The following FAM107B variants were observed in gnomAD, a reference collection of about 807,000 sequenced individuals.
The protein encoded by FAM107B is family with sequence similarity 107 member B, also known as protein FAM107B.
In FAM107B, 21 loss-of-function variants were observed where a neutral mutation model predicts 31.5. That is an observed-to-expected ratio of 0.67 (90% CI 0.47 to 0.96). FAM107B has a LOEUF of 0.96. Ranked by LOEUF, FAM107B falls within the 40% of genes least tolerant of loss-of-function variation. FAM107B has a pLI of 0.00. For synonymous variants in FAM107B, 157 were observed against 141.5 expected (o/e 1.11, Z -0.78); for missense variants, 452 against 377.1 (o/e 1.20, Z -1.64).
intron 2 of FAM107B, among the ~76,000 whole-genome samples, chr10:14,659,101 C>G (rs1042124986): frequency 1.3e-5 from 2 of 152,144 alleles, no homozygotes; most frequent in Non-Finnish European, 2.9e-5. Context: ...CCTCTACTAT[C>G]CCCAGTAGCA....
chr10:14,771,764 T>C (rs1338929607), intron 1 of FAM107B, among the ~76,000 whole-genome samples: 1 of 152,230 alleles, frequency 6.6e-6, no homozygotes, highest in Non-Finnish European at 1.5e-5. Context: ...TGATTCTCCC[T>C]CCTTGGCTTT....
At chr10:14,720,953 T>A (rs1034203058) in intron 1 of FAM107B, among the ~76,000 whole-genome samples, 14 of 152,182 alleles carry the variant, frequency 9.2e-5, no homozygotes, top group Admixed American at 7.9e-4. Flanking sequence ...CATTAATTCA[T>A]CATTTACATT....
intron 1 of FAM107B, among the ~76,000 whole-genome samples, 156 bp from the exon 2 acceptor site, chr10:14,667,847 T>A (rs183107684): frequency 4.1e-4 from 62 of 151,670 alleles, no homozygotes; most frequent in Non-Finnish European, 8.3e-4. Flanking sequence ...GACAAGCTAC[T>A]ACAAATCAAC....
intron 2 of FAM107B, among the ~76,000 whole-genome samples, chr10:14,624,581 T>C (rs189804354): frequency 3.0e-4 from 46 of 151,776 alleles, no homozygotes; most frequent in Non-Finnish European, 2.6e-4. Context: ...GGTTGCAATA[T>C]ACAGAGATCC....
intron 2 of FAM107B, among the ~76,000 whole-genome samples, chr10:14,603,521 T>C (rs1306929249): frequency 6.6e-6 from 1 of 152,138 alleles, no homozygotes; most frequent in African/African-American, 2.4e-5. Flanking sequence ...CTAATTCCTC[T>C]TGCAGATTTC....
At chr10:14,637,560 C>T (rs1301027561) in intron 2 of FAM107B, among the ~76,000 whole-genome samples, 2 of 152,130 alleles carry the variant, frequency 1.3e-5, no homozygotes, top group African/African-American at 2.4e-5. Context: ...CAGAGGATGG[C>T]TTTAGCCTGT....
chr10:14,659,702 G>A (rs1435606652), intron 2 of FAM107B, among the ~76,000 whole-genome samples: 4 of 152,136 alleles, frequency 2.6e-5, no homozygotes, highest in East Asian at 1.9e-4. Flanking sequence ...GTTCTCCCAC[G>A]ACATGAAAGT....
intron 1 of FAM107B, among the ~76,000 whole-genome samples, chr10:14,756,069 G>C (rs1316854318): frequency 6.6e-6 from 1 of 152,130 alleles, no homozygotes. Context: ...TTGGCACCTA[G>C]AGCAGGCCCT....
At chr10:14,717,038 C>T (rs1046280515) in intron 1 of FAM107B, among the ~76,000 whole-genome samples, 1 of 151,984 alleles carries the variant, frequency 6.6e-6, no homozygotes, top group Non-Finnish European at 1.5e-5. Context: ...TGCAGGGAGC[C>T]GAGATAGCGC....
At chr10:14,547,919 T>C (rs563370171) in intron 2 of FAM107B, among the ~76,000 whole-genome samples, 17 of 152,342 alleles carry the variant, frequency 1.1e-4, no homozygotes, top group Admixed American at 9.1e-4. Context: ...CTTTGGAGGA[T>C]TGTCTGTCTC....
intron 1 of FAM107B, among the ~76,000 whole-genome samples, chr10:14,764,933 G>C (rs1833132248): frequency 6.6e-6 from 1 of 152,200 alleles, no homozygotes; most frequent in African/African-American, 2.4e-5. Flanking sequence ...GTGACTCTTT[G>C]GGTAGGCACT....
intron 2 of FAM107B, among the ~76,000 whole-genome samples, chr10:14,648,359 C>T (rs993896922): frequency 1.3e-5 from 2 of 152,184 alleles, no homozygotes; most frequent in Admixed American, 6.5e-5. Flanking sequence ...ACAAAAAGCC[C>T]GGAGAAGTAC....
At chr10:14,683,586 A>T (rs1854899390) in intron 1 of FAM107B, among the ~76,000 whole-genome samples, 1 of 152,214 alleles carries the variant, frequency 6.6e-6, no homozygotes, top group African/African-American at 2.4e-5. Context: ...AACACTTATC[A>T]AACTACTGGA....
chr10:14,647,607 C>T (rs1474782773), intron 2 of FAM107B, among the ~76,000 whole-genome samples: 1 of 151,204 alleles, frequency 6.6e-6, no homozygotes, highest in Non-Finnish European at 1.5e-5. Context: ...ATCACTTGAA[C>T]CTGGGAGGCG....
At chr10:14,616,828 G>A (rs1252835079) in intron 2 of FAM107B, among the ~76,000 whole-genome samples, 1 of 152,134 alleles carries the variant, frequency 6.6e-6, no homozygotes, top group Non-Finnish European at 1.5e-5. Context: ...CAGAGGCTGA[G>A]GTGGGAGGAT....
At chr10:14,689,979 A>G (rs978824387) in intron 1 of FAM107B, among the ~76,000 whole-genome samples, 7 of 147,886 alleles carry the variant, frequency 4.7e-5, no homozygotes, top group Admixed American at 3.4e-4. Flanking sequence ...TAGAAAGAAA[A>G]AAAGAAGAAA....
At chr10:14,579,896 C>T (rs529624161) in intron 2 of FAM107B, among the ~76,000 whole-genome samples, 2 of 151,972 alleles carry the variant, frequency 1.3e-5, no homozygotes, top group Non-Finnish European at 2.9e-5. Flanking sequence ...ATGGCAGGCA[C>T]CTGCAGTCCC....
intron 2 of FAM107B, among the ~76,000 whole-genome samples, chr10:14,588,818 G>A (rs1449990272): frequency 1.3e-5 from 2 of 152,148 alleles, no homozygotes; most frequent in African/African-American, 4.8e-5. Flanking sequence ...AAAGGAGGAA[G>A]AAGAGAGAGA....
At chr10:14,572,739 T>TTATATATATATATATATATATATA (rs61477094) in intron 2 of FAM107B, among the ~76,000 whole-genome samples, 1 of 92,000 alleles carries the variant, frequency 1.1e-5, no homozygotes, top group Non-Finnish European at 2.2e-5. Context: ...AAAAAAAAAT[T>TTATATATATATATATATATATATA]TATATATATA....
Sources: allele counts gnomAD v4.1 joint callset (sites outside exome capture counted in the v4.1 genomes callset), GRCh38; gene constraint gnomAD v4.1.1; transcripts MANE v1.5; gene names NCBI Gene and HGNC (gene_info 2026-07-23, HGNC 2026-07-21).